Variants in FGD4 observed in about 807,000 individuals in gnomAD.
The protein encoded by FGD4 is FYVE, RhoGEF and PH domain containing 4, also known as FYVE, RhoGEF and PH domain-containing protein 4.
A neutral mutation model predicts 102.0 loss-of-function variants in FGD4; 42 were observed. The ratio of observed to expected loss-of-function variants is 0.41; its 90% CI spans 0.32 to 0.53. FGD4 has a LOEUF of 0.53. FGD4 is among the 20% of genes least tolerant of loss of function. The pLI is 0.21. For missense variants in FGD4, 902 were observed against 1,078.2 expected, an observed-to-expected ratio of 0.84 and a Z score of 2.29; for synonymous variants, 380 against 375.7, an observed-to-expected ratio of 1.01 and a Z score of -0.13.
chr12:32,594,840 G>A (rs1947752983), intron 4 of FGD4, among the ~76,000 whole-genome samples: 1 of 152,094 alleles, frequency 6.6e-6, no homozygotes, highest in African/African-American at 2.4e-5. Context: ...GACCAGCCTG[G>A]CCAGCATGGT....
chr12:32,497,502 T>G (rs1490235325), intron 1 of FGD4, among the ~76,000 whole-genome samples: 1 of 152,232 alleles, frequency 6.6e-6, no homozygotes, highest in Non-Finnish European at 1.5e-5. Context: ...TTTCAATGGT[T>G]AGCTCTGCTG....
chr12:32,495,953 CTTGGCCACCCTCTCT>C (rs1937790219), intron 1 of FGD4, among the ~76,000 whole-genome samples: 2 of 152,270 alleles, frequency 1.3e-5, no homozygotes, highest in East Asian at 3.9e-4. Context: ...GCCCACAAAC[CTTGGCCACCCTCTCT>C]TTTTAATACT....
intron 1 of FGD4, among the ~76,000 whole-genome samples, chr12:32,552,573 CTCTCGGCTTTAACCAACAT>C (rs780515465): frequency 2.6e-5 from 4 of 151,658 alleles, no homozygotes; most frequent in Non-Finnish European, 1.5e-5. Context: ...TGAACCACCA[CTCTCGGCTTTAACCAACAT>C]TCTTAGTTGA....
At chr12:32,417,876 C>T (rs1941479654) in intron 1 of FGD4, among the ~76,000 whole-genome samples, 1 of 151,706 alleles carries the variant, frequency 6.6e-6, no homozygotes, top group Non-Finnish European at 1.5e-5. Context: ...AGTTTCCTTA[C>T]CACAGCTCTT....
At chr12:32,509,241 C>CTTT (rs35053299) in intron 1 of FGD4, among the ~76,000 whole-genome samples, 1,670 of 132,602 alleles carry the variant, frequency 0.013, 85 homozygotes, top group Admixed American at 0.094. Context: ...CTTTTATTCT[C>CTTT]TTTTTTTTTT....
chr12:32,400,391 G>A (rs575075605), intron 1 of FGD4, among the ~76,000 whole-genome samples: 1 of 152,306 alleles, frequency 6.6e-6, no homozygotes, highest in Non-Finnish European at 1.5e-5. Context: ...GGTGTGGTGA[G>A]CAACCTTCTT....
intron 1 of FGD4, among the ~76,000 whole-genome samples, chr12:32,563,611 G>A (rs925222390): frequency 3.9e-5 from 6 of 152,198 alleles, no homozygotes; most frequent in Non-Finnish European, 7.3e-5. Context: ...CGGCCGGGCA[G>A]AGGCTGCAAT....
intron 16 of FGD4, 81 bp from the exon 17 acceptor site, chr12:32,640,195 A>G (rs1399699248): frequency 1.2e-6 from 2 of 1,606,114 alleles, no homozygotes; most frequent in Non-Finnish European, 1.7e-6. Context: ...AGTGGTAGGA[A>G]GAGAGGTTTA....
chr12:32,413,243 C>T (rs1201316864), intron 1 of FGD4, among the ~76,000 whole-genome samples: 3 of 151,784 alleles, frequency 2.0e-5, no homozygotes, highest in South Asian at 2.1e-4. Flanking sequence ...CAAACCTGCA[C>T]GTTCTGCACG....
At chr12:32,411,735 G>T (rs2136396935) in intron 1 of FGD4, among the ~76,000 whole-genome samples, 1 of 152,220 alleles carries the variant, frequency 6.6e-6, no homozygotes, top group Admixed American at 6.5e-5. Flanking sequence ...AGCACTTTGG[G>T]AGGCGAAGGT....
chr12:32,460,942 G>T (rs1472006977), intron 1 of FGD4, among the ~76,000 whole-genome samples: 1 of 152,228 alleles, frequency 6.6e-6, no homozygotes, highest in Non-Finnish European at 1.5e-5. Context: ...AATTAACTGG[G>T]CATTTGAAAA....
In FGD4 at chr12:32,611,146, A is replaced by C. The variant is rs749692745; in HGVS notation, c.1612A>C (p.Lys538Gln). 1.1e-5 allele frequency: 17 copies of C among 1,614,160 alleles called. No individual in the cohort carries two copies. Among genetic ancestry groups the C allele is most frequent in the Non-Finnish European group, 1.3e-5 (15 of 1,180,020 alleles). Residue 538 changes from lysine (K) to glutamine (Q), a missense_variant, in exon 10 of 17, where the codon AAG becomes CAG. Lys to Gln is a moderately conservative substitution (Grantham distance 53). Transcript: ENST00000534526. ...NSAIRKMENL[K>Q]KLLEIYEMLG... ...TGTTTTAATTTCCTAGGAGAACCTA[A>C]AGAAACTCTTAGAGATTTATGAAAT...
chr12:32,399,777 C>T lies in FGD4; in HGVS notation c.-17C>T. ...GGGAGCGGGAGGAGTCGGGGAGCGGCGGTCGAGCCCGGCAGGATGAGCGAC... is the reference window on the plus strand; with the variant it reads ...GGGAGCGGGAGGAGTCGGGGAGCGGTGGTCGAGCCCGGCAGGATGAGCGAC... On this transcript the variant is annotated 5_prime_UTR_variant, in exon 1 of 17. Transcript: ENST00000534526. 6.5e-7 allele frequency: 1 copy of T among 1,528,534 alleles called. No homozygotes were observed. The highest frequency in any genetic ancestry group is 8.7e-7 in the Non-Finnish European group (1 of 1,144,508). 94.7% of individuals were successfully genotyped at this position (1,528,534 alleles called of 1,614,324 possible).
intron 1 of FGD4, among the ~76,000 whole-genome samples, chr12:32,489,708 A>G (rs1396730403): frequency 6.6e-6 from 1 of 152,214 alleles, no homozygotes; most frequent in Non-Finnish European, 1.5e-5. Flanking sequence ...TGTGTTATAT[A>G]CACATTATTC....
intron 1 of FGD4, among the ~76,000 whole-genome samples, chr12:32,531,192 G>A (rs1271432817): frequency 2.6e-5 from 4 of 151,528 alleles, no homozygotes; most frequent in African/African-American, 7.3e-5. Flanking sequence ...CTCATGATCC[G>A]CCCGCCTCGG....
At chr12:32,587,431 G>C (rs981615448) in intron 4 of FGD4, among the ~76,000 whole-genome samples, 1 of 151,828 alleles carries the variant, frequency 6.6e-6, no homozygotes, top group Admixed American at 6.6e-5. Flanking sequence ...TGCCCAGGCT[G>C]CCAGGCTGGA....
At chr12:32,537,287 G>A (rs1344505872) in intron 1 of FGD4, among the ~76,000 whole-genome samples, 1 of 152,066 alleles carries the variant, frequency 6.6e-6, no homozygotes, top group Non-Finnish European at 1.5e-5. Context: ...GTACAATCTG[G>A]CAACAAATCT....
At chr12:32,633,972 C>T (rs979421080) in intron 15 of FGD4, among the ~76,000 whole-genome samples, 4 of 152,218 alleles carry the variant, frequency 2.6e-5, no homozygotes, top group African/African-American at 7.2e-5. Context: ...CATGAGCCAA[C>T]GCACCCCAGC....
intron 11 of FGD4, among the ~76,000 whole-genome samples, chr12:32,620,131 C>T (rs1282078954): frequency 6.6e-6 from 1 of 152,142 alleles, no homozygotes; most frequent in Non-Finnish European, 1.5e-5. Flanking sequence ...ATACAGGGTA[C>T]TCAGAGGATG....
Sources: allele counts gnomAD v4.1 joint callset (sites outside exome capture counted in the v4.1 genomes callset), GRCh38; gene constraint gnomAD v4.1.1; transcripts MANE v1.5; gene names NCBI Gene and HGNC (gene_info 2026-07-23, HGNC 2026-07-21).